Variants in UST observed in about 807,000 individuals in gnomAD.
UST encodes the protein uronyl 2-sulfotransferase, also known as chondroitin sulfate 2-O-sulfotransferase.
In UST, 21 loss-of-function variants were observed where a neutral mutation model predicts 45.6. The ratio of observed to expected loss-of-function variants is 0.46; its 90% confidence interval spans 0.33 to 0.66. The LOEUF is 0.66. UST is among the 30% of genes least tolerant of loss of function. UST has a pLI of 0.02. For synonymous variants in UST, 215 were observed against 200.6 expected (o/e 1.07, Z -0.61); for missense variants, 463 against 512.4 (o/e 0.90, Z 0.93).
At chr6:148,915,867 T>C (rs1779579094) in intron 2 of UST, among the ~76,000 whole-genome samples, 1 of 152,116 alleles carries the variant, frequency 6.6e-6, no homozygotes, top group Admixed American at 6.6e-5. Flanking sequence ...GACTCCTGAT[T>C]TGAAGGGTGG....
intron 1 of UST, among the ~76,000 whole-genome samples, chr6:148,827,888 T>C (rs1482255031): frequency 6.6e-6 from 1 of 152,076 alleles, no homozygotes; most frequent in Non-Finnish European, 1.5e-5. Context: ...TTTTTAAAAG[T>C]GTGTTTTTGT....
intron 5 of UST, among the ~76,000 whole-genome samples, chr6:149,004,564 G>A (rs1035608727): frequency 2.0e-5 from 3 of 152,180 alleles, no homozygotes; most frequent in East Asian, 1.9e-4. Flanking sequence ...GCTAATAACC[G>A]GACCTGGTGA....
At chr6:148,908,750 A>C (rs1779416144) in intron 2 of UST, among the ~76,000 whole-genome samples, 1 of 152,220 alleles carries the variant, frequency 6.6e-6, no homozygotes, top group Admixed American at 6.5e-5. Flanking sequence ...AAAACGTGCC[A>C]ATGAAAGATC....
At chr6:149,010,146 G>A (rs138314378) in intron 5 of UST, among the ~76,000 whole-genome samples, 2,910 of 152,184 alleles carry the variant, frequency 0.019, 42 homozygotes, top group Non-Finnish European at 0.032. Flanking sequence ...TATTTACAAT[G>A]ACATGTACTA....
At chr6:148,857,762 C>CAA (rs35774834) in intron 1 of UST, among the ~76,000 whole-genome samples, 9,710 of 120,278 alleles carry the variant, frequency 0.081, 735 homozygotes, top group East Asian at 0.34. Context: ...GTCTCCATCT[C>CAA]AAAAAAAAAA....
At chr6:148,942,556 CAATA>C (rs1355037803) in intron 3 of UST, among the ~76,000 whole-genome samples, 1 of 151,896 alleles carries the variant, frequency 6.6e-6, no homozygotes, top group South Asian at 2.1e-4. Flanking sequence ...GACTTTGTCT[CAATA>C]AATAAATAAT....
At chr6:149,051,901 C>T (rs868861056) in intron 7 of UST, among the ~76,000 whole-genome samples, 4 of 152,074 alleles carry the variant, frequency 2.6e-5, no homozygotes, top group African/African-American at 9.7e-5. Context: ...TAGTACTACC[C>T]AAATGGAACT....
At chr6:148,906,833 T>G (rs531048397) in intron 2 of UST, among the ~76,000 whole-genome samples, 49 of 152,338 alleles carry the variant, frequency 3.2e-4, no homozygotes, top group Non-Finnish European at 5.4e-4. Context: ...TATCCTGGAT[T>G]AATGAAAGTC....
At chr6:149,006,416 G>A (rs1287645260) in intron 5 of UST, among the ~76,000 whole-genome samples, 1 of 152,096 alleles carries the variant, frequency 6.6e-6, no homozygotes, top group African/African-American at 2.4e-5. Flanking sequence ...TCCCTGCAAA[G>A]GACATGATCT....
chr6:148,999,337 C>G (rs762041311), intron 5 of UST, among the ~76,000 whole-genome samples: 23 of 152,290 alleles, frequency 1.5e-4, no homozygotes, highest in East Asian at 9.6e-4. Flanking sequence ...TCAAAGACCA[C>G]TTTTAGAAAC....
chr6:148,794,171 G>A (rs965396110), intron 1 of UST, among the ~76,000 whole-genome samples: 1 of 152,152 alleles, frequency 6.6e-6, no homozygotes, highest in South Asian at 2.1e-4. Flanking sequence ...GTCATATTGG[G>A]AATAATTTTT....
intron 4 of UST, among the ~76,000 whole-genome samples, chr6:148,960,237 C>T (rs1435479148): frequency 2.6e-5 from 4 of 152,196 alleles, no homozygotes; most frequent in Middle Eastern, 3.4e-3. Context: ...TGCAGTAAGC[C>T]GAGATCACGC....
At chr6:149,018,760 AC>A (rs1342647354) in intron 5 of UST, among the ~76,000 whole-genome samples, 1 of 152,222 alleles carries the variant, frequency 6.6e-6, no homozygotes, top group Admixed American at 6.5e-5. Flanking sequence ...AATTCATGCA[AC>A]AAACATTTAT....
intron 1 of UST, among the ~76,000 whole-genome samples, chr6:148,841,670 T>C (rs541543798): frequency 3.3e-5 from 5 of 152,156 alleles, no homozygotes; most frequent in African/African-American, 7.2e-5. Flanking sequence ...CTGTGTCATA[T>C]TTCTTTGTGT....
At chr6:148,910,901 C>CT (rs1280491201) in intron 2 of UST, among the ~76,000 whole-genome samples, 1 of 152,194 alleles carries the variant, frequency 6.6e-6, no homozygotes, top group East Asian at 1.9e-4. Context: ...CTTCTCATTT[C>CT]TTTCTTCCTT....
Position 148,820,523 on chromosome 6 carries a change from T to A in UST, c.248-66463T>A, listed in dbSNP as rs1480454050. Among the ~76,000 whole-genome samples the A allele has an allele frequency of 8.7e-4, 132 of 152,132 alleles. 2 individuals carry two copies. The highest frequency in any genetic ancestry group is 1.3e-4 in the Non-Finnish European group (9 of 68,014). On this transcript the variant is annotated intron_variant, in intron 1 of 7. Coordinates refer to ENST00000367463, the MANE Select transcript of UST (RefSeq NM_005715.3). The stretch of plus-strand genomic sequence containing the variant: ...CAGGATATTAACCTCGATATAACTC[T>A]ACTATTGAATGCATAAACCCCATTA...
intron 5 of UST, among the ~76,000 whole-genome samples, chr6:148,978,473 C>T (rs1383060535): frequency 2.0e-5 from 3 of 152,048 alleles, no homozygotes; most frequent in Admixed American, 1.3e-4. Flanking sequence ...ACATATATAC[C>T]GTGGAATACT....
At chr6:149,057,851 A>G (rs528517119) in intron 7 of UST, among the ~76,000 whole-genome samples, 37 of 152,370 alleles carry the variant, frequency 2.4e-4, no homozygotes, top group African/African-American at 8.4e-4. Flanking sequence ...ATGTACTACT[A>G]CAGTAATAAC....
chr6:148,798,639 T>A (rs1454399281), intron 1 of UST, among the ~76,000 whole-genome samples: 1 of 152,054 alleles, frequency 6.6e-6, no homozygotes, highest in Non-Finnish European at 1.5e-5. Context: ...AGGACACAGA[T>A]GCTGGAGGAC....
Sources: gnomAD v4.1 joint callset for allele counts (sites outside exome capture counted in the v4.1 genomes callset) on GRCh38, gnomAD v4.1.1 for gene constraint, MANE v1.5 for transcripts, NCBI Gene and HGNC (gene_info 2026-07-23, HGNC 2026-07-21) for gene names.